The following CSF1R variants were observed in gnomAD, a reference collection of about 807,000 sequenced individuals.
The protein encoded by CSF1R is macrophage colony-stimulating factor 1 receptor.
Under a neutral mutation model 110.0 loss-of-function variants are expected in CSF1R, and 40 were observed. The ratio of observed to expected loss-of-function variants is 0.36; its 90% CI spans 0.28 to 0.47. CSF1R has a LOEUF of 0.47. Among genes scored for constraint, CSF1R ranks in the 20% least tolerant of loss-of-function variants. The pLI is 0.99. For missense variants in CSF1R, 1,052 were observed against 1,253.0 expected (o/e 0.84, Z 2.42); for synonymous variants, 523 against 503.4 (o/e 1.04, Z -0.52).
In CSF1R at chr5:150,076,760, G is replaced by C. The variant is rs1758283959; in HGVS notation, c.889+516C>G. 3 of 222,122 alleles carry C rather than the reference G, an allele frequency of 1.4e-5. No individual in the cohort carries two copies. In the Admixed American group the frequency reaches 1.6e-4, roughly 12 times the overall value. 13.8% of individuals were successfully genotyped at this position (222,122 alleles called of 1,614,324 possible). ...CTCTTTGCCTTTGAGCCTTGCATATGTTCCTCCCTCTGCCAGAAGCGCTGT... is the reference window on the plus strand; with the variant it reads ...CTCTTTGCCTTTGAGCCTTGCATATCTTCCTCCCTCTGCCAGAAGCGCTGT... On this transcript the variant is annotated intron_variant, in intron 5 of 20. Transcript: ENST00000675795.
Position 150,053,958 on chromosome 5 carries a change from G to A in CSF1R, c.*111C>T, listed in dbSNP as rs981930356. On this transcript the variant is annotated 3_prime_UTR_variant, in exon 21 of 21. Coordinates refer to ENST00000675795, the MANE Select transcript of CSF1R (RefSeq NM_001288705.3). ...CCAAGTTTCAGAGCTGGGCCGAGCT[G>A]TTGAGTGAAATGACCGAAGGCAGAG... 10 of 1,120,624 alleles carry A rather than the reference G, an allele frequency of 8.9e-6. No homozygotes were observed. In the African/African-American group the frequency reaches 1.1e-4, roughly 12 times the overall value. 69.4% of individuals were successfully genotyped at this position (1,120,624 alleles called of 1,614,324 possible). A position where few individuals can be genotyped will look rare whatever the true frequency, so the allele number is the denominator to read the frequency against.
At chr5:150,083,958 C>G (rs1721125921) in intron 1 of CSF1R, among the ~76,000 whole-genome samples, 1 of 152,148 alleles carries the variant, frequency 6.6e-6, no homozygotes. Context: ...CGAATTCATC[C>G]AGAATGGCAC....
chr5:150,070,308 G>GAAGA lies in CSF1R; in HGVS notation c.1199-10_1199-7dup, dbSNP rs775138889. 6.8e-6 allele frequency: 11 copies of GAAGA among 1,613,206 alleles called. No individual in the cohort carries two copies. The Admixed American group carries it at 1.7e-4, about 24-fold the overall frequency. ...GACGCTTACCTCTGGGGGGTCTGAG[G>GAAGA]AAGAAAGGAGGAGGCCCCAAGTCAC... On this transcript the variant is annotated splice_polypyrimidine_tract_variant and splice_region_variant and intron_variant, in intron 7 of 20. Transcript: ENST00000675795.
At chr5:150,073,182 G>T in intron 6 of CSF1R, 119 bp downstream of exon 6, 1 of 949,842 alleles carries the variant, frequency 1.1e-6, no homozygotes, top group Non-Finnish European at 1.6e-6. Context: ...CCAGAAAGGG[G>T]CAGGGACTTG....
chr5:150,068,719 G>A (rs902037232), intron 9 of CSF1R, among the ~76,000 whole-genome samples: 2 of 152,168 alleles, frequency 1.3e-5, no homozygotes, highest in Non-Finnish European at 2.9e-5. Flanking sequence ...GCCTTCTGGA[G>A]GTCACACTGC....
chr5:150,055,178 A>G (rs1469841602), intron 19 of CSF1R, 59 bp downstream of exon 19: 19 of 1,476,540 alleles, frequency 1.3e-5, no homozygotes, highest in African/African-American at 2.8e-5. Flanking sequence ...ACGGCCTTCC[A>G]TCCCTTTCCA....
chr5:150,080,371 C>T (rs376303491), intron 2 of CSF1R, 35 bp from the exon 3 acceptor site: 77 of 1,596,904 alleles, frequency 4.8e-5, no homozygotes, highest in Admixed American at 8.4e-5. Flanking sequence ...TACAACTGCC[C>T]TCCCTCCACT....
intron 14 of CSF1R, 46 bp downstream of exon 14, chr5:150,059,654 C>A: frequency 6.2e-7 from 1 of 1,601,240 alleles, no homozygotes; most frequent in Non-Finnish European, 8.5e-7. Context: ...GACTCGGATC[C>A]TGCCTCCCAG....
chr5:150,084,940 A>G (rs1758768993), intron 1 of CSF1R, among the ~76,000 whole-genome samples: 1 of 152,052 alleles, frequency 6.6e-6, no homozygotes, highest in East Asian at 1.9e-4. Flanking sequence ...ACCTCATTGA[A>G]CTTAAGAACC....
At chr5:150,061,891 G>A (rs1375633710) in intron 10 of CSF1R, 42 bp from the exon 11 acceptor site, 2 of 1,612,696 alleles carry the variant, frequency 1.2e-6, no homozygotes, top group Non-Finnish European at 1.7e-6. Flanking sequence ...GGGGCTGGCA[G>A]GCAGTTCCTG....
intron 14 of CSF1R, among the ~76,000 whole-genome samples, chr5:150,059,052 C>T (rs1205537065): frequency 1.4e-5 from 2 of 142,460 alleles, no homozygotes; most frequent in African/African-American, 6.1e-5. Context: ...AGCCATCTCT[C>T]TTTTTTTTTG....
chr5:150,065,737 T>C (rs1757739629), intron 10 of CSF1R, among the ~76,000 whole-genome samples: 1 of 152,126 alleles, frequency 6.6e-6, no homozygotes, highest in African/African-American at 2.4e-5. Flanking sequence ...GGGAGGAGGG[T>C]AGCTGCAAGT....
intron 6 of CSF1R, among the ~76,000 whole-genome samples, chr5:150,072,082 G>A (rs1237782885): frequency 1.3e-5 from 2 of 150,284 alleles, no homozygotes; most frequent in Non-Finnish European, 3.0e-5. Context: ...CTCTGAGGCC[G>A]CATCTACACT....
At chr5:150,079,471 C>T (rs528434827) in intron 3 of CSF1R, among the ~76,000 whole-genome samples, 4 of 152,212 alleles carry the variant, frequency 2.6e-5, no homozygotes, top group East Asian at 1.9e-4. Context: ...ACCTGGCCAC[C>T]GCGAGAGCCA....
At chr5:150,054,685 T>G in intron 19 of CSF1R, 1 of 451,416 alleles carries the variant, frequency 2.2e-6, no homozygotes, top group South Asian at 4.1e-5. Flanking sequence ...GTAATAACGA[T>G]CTCTTAAAAG....
At chr5:150,058,692 C>T (rs909987911) in intron 14 of CSF1R, among the ~76,000 whole-genome samples, 3 of 151,968 alleles carry the variant, frequency 2.0e-5, no homozygotes, top group African/African-American at 7.3e-5. Context: ...TGCTGCCAGG[C>T]CCCCATTTTT....
rs114523412 is a variant in CSF1R, at chr5:150,080,392, G to A, written c.308-56C>T. ...TGCCCTCCCTCCACTGGGCCAAGGA[G>A]TACCTGGACATAGGTGACAAGGAAG... On this transcript the variant is annotated intron_variant, in intron 2 of 20. Coordinates refer to ENST00000675795, the MANE Select transcript of CSF1R (RefSeq NM_001288705.3). The A allele has an allele frequency of 1.6e-4, 250 of 1,576,076 alleles. No individual in the cohort carries two copies. In the African/African-American group the frequency reaches 3.0e-3, roughly 19 times the overall value.
rs17110912 is a variant in CSF1R, at chr5:150,074,690, A to G, written c.890-1197T>C. Among the ~76,000 whole-genome samples, 1,171 of 152,254 alleles carry G rather than the reference A, an allele frequency of 7.7e-3. 18 individuals carry two copies. The highest frequency in any genetic ancestry group is 0.027 in the African/African-American group (1,117 of 41,540). On this transcript the variant is annotated intron_variant, in intron 5 of 20. Coordinates refer to ENST00000675795, the MANE Select transcript of CSF1R (RefSeq NM_001288705.3). ...CTCCTCTCCTTACTCTATTCTGTCT[A>G]AAAATCTGAAATTCACCCTTCTACA...
Position 150,054,182 on chromosome 5 carries a change from CGCTGCCACCGCTTCTGCT to C in CSF1R, c.2788_2805del (p.Ser930_Ser935del), listed in dbSNP as rs1561901107. 6.2e-7 allele frequency: 1 copy of C among 1,612,396 alleles called. No individual in the cohort carries two copies. Among genetic ancestry groups the C allele is most frequent in the Admixed American group, 1.7e-5 (1 of 59,820 alleles). ...TCCTCCAGCTCACTGCTGCTGCTGC[CGCTGCCACCGCTTCTGCT>C]GCTGCTCGGCAGATTGGTATAGTCC... On this transcript the variant is annotated inframe_deletion, in exon 21 of 21. Transcript: ENST00000675795.
Sources: allele counts gnomAD v4.1 joint callset (sites outside exome capture counted in the v4.1 genomes callset), GRCh38; gene constraint gnomAD v4.1.1; transcripts MANE v1.5; gene names NCBI Gene and HGNC (gene_info 2026-07-23, HGNC 2026-07-21).